Variants in LARGE1 observed in about 807,000 individuals in gnomAD.
LARGE1 encodes the protein xylosyl- and glucuronyltransferase LARGE1.
A neutral mutation model predicts 87.6 loss-of-function variants in LARGE1; 43 were observed. That is an observed-to-expected ratio of 0.49 (90% CI 0.38 to 0.63). The LOEUF is 0.63. LARGE1 is among the 30% of genes least tolerant of loss of function. LARGE1 has a pLI of 0.00. For synonymous variants in LARGE1, 434 were observed against 394.6 expected (o/e 1.10, Z -1.18); for missense variants, 802 against 1,000.2 (o/e 0.80, Z 2.67).
chr22:33,391,310 G>T (rs1020482547), intron 7 of LARGE1, among the ~76,000 whole-genome samples: 1 of 152,106 alleles, frequency 6.6e-6, no homozygotes. Context: ...CAGGGAGCAA[G>T]GCCTGATAGG....
chr22:33,076,277 A>G, the LARGE1 span, among the ~76,000 whole-genome samples: 4 of 152,152 alleles, frequency 2.6e-5, no homozygotes, highest in Non-Finnish European at 5.9e-5. Flanking sequence ...GTGCCATAGT[A>G]AACACACCCA....
At chr22:33,120,366 CTTTCTTTCTTTCTTTCTT>C in the LARGE1 span, among the ~76,000 whole-genome samples, 4 of 139,896 alleles carry the variant, frequency 2.9e-5, no homozygotes, top group Non-Finnish European at 6.2e-5. Context: ...CTTTTTCTTT[CTTTCTTTCTTTCTTTCTT>C]TCTTTCTTTC....
intron 6 of LARGE1, among the ~76,000 whole-genome samples, chr22:33,501,838 C>T (rs2070453865): frequency 6.6e-6 from 1 of 152,132 alleles, no homozygotes; most frequent in Non-Finnish European, 1.5e-5. Flanking sequence ...AAATGCACTT[C>T]AGTGTAAAAT....
chr22:33,259,166 C>T (rs925986348), intron 11 of LARGE1, among the ~76,000 whole-genome samples: 1 of 152,214 alleles, frequency 6.6e-6, no homozygotes, highest in South Asian at 2.1e-4. Context: ...GCATGAGCCA[C>T]TACACCCGGC....
chr22:33,270,566 C>T (rs536251186), downstream of LARGE1, among the ~76,000 whole-genome samples: 2 of 152,216 alleles, frequency 1.3e-5, no homozygotes, highest in African/African-American at 2.4e-5. Flanking sequence ...TAATACCTCC[C>T]TTATTTTATA....
At chr22:33,426,385 A>G (rs1399719384) in intron 7 of LARGE1, among the ~76,000 whole-genome samples, 2 of 152,212 alleles carry the variant, frequency 1.3e-5, no homozygotes, top group African/African-American at 4.8e-5. Context: ...CAATTATTAC[A>G]GACAGAAATC....
At chr22:33,839,547 C>T (rs2063210350) in intron 1 of LARGE1, among the ~76,000 whole-genome samples, 2 of 152,198 alleles carry the variant, frequency 1.3e-5, no homozygotes, top group Admixed American at 1.3e-4. Context: ...AATAACTGAA[C>T]AAATAAGTGA....
chr22:33,797,431 G>T (rs943813201), intron 1 of LARGE1, among the ~76,000 whole-genome samples: 11 of 152,288 alleles, frequency 7.2e-5, no homozygotes, highest in Admixed American at 3.3e-4. Context: ...AGATGGTTGT[G>T]TAAAACCATC....
chr22:33,841,148 T>C (rs2063270684), intron 1 of LARGE1, among the ~76,000 whole-genome samples: 1 of 152,250 alleles, frequency 6.6e-6, no homozygotes, highest in Non-Finnish European at 1.5e-5. Context: ...ACGCAAATTT[T>C]GAACTTGATA....
intron 6 of LARGE1, among the ~76,000 whole-genome samples, chr22:33,493,353 G>A (rs542184357): frequency 6.6e-5 from 10 of 151,788 alleles, no homozygotes; most frequent in Non-Finnish European, 1.5e-4. Flanking sequence ...TAGAGACGGG[G>A]TTTCACCATG....
At chr22:33,172,784 T>C (rs931432761) in intron 11 of LARGE1, among the ~76,000 whole-genome samples, 1 of 151,840 alleles carries the variant, frequency 6.6e-6, no homozygotes, top group Non-Finnish European at 1.5e-5. Flanking sequence ...CATAATGAAA[T>C]AAAGTGAGAA....
chr22:33,552,600 T>C (rs1050496898), intron 6 of LARGE1, among the ~76,000 whole-genome samples: 40 of 152,300 alleles, frequency 2.6e-4, no homozygotes, highest in African/African-American at 9.6e-4. Flanking sequence ...TAGTCTACAG[T>C]CCTACTCGCC....
intron 6 of LARGE1, among the ~76,000 whole-genome samples, chr22:33,561,888 T>C (rs73168539): frequency 0.063 from 9,668 of 152,262 alleles, 440 homozygotes; most frequent in Non-Finnish European, 0.097. Flanking sequence ...AAGGCTTCTT[T>C]GTAATTCTCC....
intron 2 of LARGE1, among the ~76,000 whole-genome samples, chr22:33,659,142 T>C (rs1315423004): frequency 1.3e-5 from 2 of 152,228 alleles, no homozygotes; most frequent in Non-Finnish European, 2.9e-5. Flanking sequence ...ACTATCCAGC[T>C]TCTCCGGTTT....
chr22:33,447,541 A>G (rs150784110), intron 6 of LARGE1, among the ~76,000 whole-genome samples: 9 of 152,312 alleles, frequency 5.9e-5, no homozygotes, highest in Admixed American at 3.3e-4. Context: ...GCACGTCCCA[A>G]TGCACAGCCT....
At chr22:33,341,851 T>C (rs541084278) in intron 9 of LARGE1, among the ~76,000 whole-genome samples, 45 of 152,156 alleles carry the variant, frequency 3.0e-4, no homozygotes, top group Non-Finnish European at 6.5e-4. Context: ...AGTGCTTCCA[T>C]GTTAGAGTGG....
At chr22:33,812,960 G>T (rs1601677632) in intron 1 of LARGE1, among the ~76,000 whole-genome samples, 1 of 152,144 alleles carries the variant, frequency 6.6e-6, no homozygotes, top group Admixed American at 6.5e-5. Flanking sequence ...TTTGCTTTCT[G>T]GTTTTCTCCT....
intron 2 of LARGE1, among the ~76,000 whole-genome samples, chr22:33,707,824 C>T (rs2082606794): frequency 6.6e-6 from 1 of 152,138 alleles, no homozygotes; most frequent in African/African-American, 2.4e-5. Flanking sequence ...ACTGTGAGGG[C>T]CCTGGGGGCG....
intron 2 of LARGE1, among the ~76,000 whole-genome samples, chr22:33,758,033 C>T (rs2283940): frequency 0.092 from 14,001 of 152,176 alleles, 838 homozygotes; most frequent in East Asian, 0.23. Flanking sequence ...TGTGTTTCTG[C>T]ATCTTTCATG....
Sources: allele counts gnomAD v4.1 joint callset (sites outside exome capture counted in the v4.1 genomes callset), GRCh38; gene constraint gnomAD v4.1.1; transcripts MANE v1.5; gene names NCBI Gene and HGNC (gene_info 2026-07-23, HGNC 2026-07-21).